TRIP4: variants seen among roughly 807,000 people sequenced by gnomAD.
The protein encoded by TRIP4 is thyroid hormone receptor interactor 4, also known as activating signal cointegrator 1.
A neutral mutation model predicts 81.8 loss-of-function variants in TRIP4; 54 were observed. The ratio of observed to expected loss-of-function variants is 0.66; its 90% CI spans 0.53 to 0.83. TRIP4 has a LOEUF of 0.83. TRIP4 is among the 40% of genes least tolerant of loss of function. The pLI is 0.00. For missense variants in TRIP4, 662 were observed against 683.6 expected, an observed-to-expected ratio of 0.97 and a Z score of 0.35; for synonymous variants, 270 against 242.8, an observed-to-expected ratio of 1.11 and a Z score of -1.04.
intron 11 of TRIP4, among the ~76,000 whole-genome samples, chr15:64,436,695 A>G (rs1596358407): frequency 1.0e-5 from 1 of 98,320 alleles, no homozygotes; most frequent in Non-Finnish European, 1.9e-5. Flanking sequence ...CTGTGTTCAT[A>G]CTTCTATTAC....
chr15:64,437,904 T>C (rs191367247), intron 11 of TRIP4, among the ~76,000 whole-genome samples: 1 of 152,300 alleles, frequency 6.6e-6, no homozygotes, highest in Admixed American at 6.5e-5. Context: ...TGAGTTATGA[T>C]GAAGATCTGC....
chr15:64,414,402 C>G (rs532832804), intron 8 of TRIP4, among the ~76,000 whole-genome samples, 191 bp downstream of exon 8: 1 of 151,818 alleles, frequency 6.6e-6, no homozygotes, highest in Admixed American at 6.6e-5. Context: ...TGCAGTACTT[C>G]TGACAAATTG....
At chr15:64,391,684 G>A (rs1052836368) in intron 1 of TRIP4, among the ~76,000 whole-genome samples, 2 of 151,722 alleles carry the variant, frequency 1.3e-5, no homozygotes, top group Non-Finnish European at 2.9e-5. Context: ...AAATACTCCA[G>A]GGTTGGCCAG....
At chr15:64,421,541 G>A (rs1892013661) in intron 9 of TRIP4, among the ~76,000 whole-genome samples, 1 of 151,428 alleles carries the variant, frequency 6.6e-6, no homozygotes, top group African/African-American at 2.4e-5. Context: ...TTGCCCTGTT[G>A]GCCAGGCTGG....
At position 64,419,383 on chromosome 15, in the gene TRIP4, C is replaced by T. The variant is rs139517088; in HGVS notation, c.1358+655C>T. 2.4e-3 allele frequency among the ~76,000 whole-genome samples: 368 copies of T among 151,394 alleles called. 2 individuals are homozygous for T. Among genetic ancestry groups the T allele is most frequent in the African/African-American group, 8.6e-3 (354 of 41,212 alleles). ...TTTTCTTTTCTTTTTTTTTAAAGAC[C>T]GAGTCTTGCTCTGTCACCAGGCTGG... On this transcript the variant is annotated intron_variant, in intron 9 of 12. Transcript: ENST00000261884.
At chr15:64,409,965 C>T in intron 7 of TRIP4, 137 bp downstream of exon 7, 1 of 750,190 alleles carries the variant, frequency 1.3e-6, no homozygotes, top group Non-Finnish European at 2.1e-6. Flanking sequence ...TTAAGAATAG[C>T]TAAGAAAAAA....
At chr15:64,431,738 A>G (rs1892274949) in intron 11 of TRIP4, among the ~76,000 whole-genome samples, 1 of 150,602 alleles carries the variant, frequency 6.6e-6, no homozygotes, top group Non-Finnish European at 1.5e-5. Flanking sequence ...TGGAACATTG[A>G]CTAGAGTTTC....
intron 6 of TRIP4, among the ~76,000 whole-genome samples, chr15:64,407,375 A>T (rs888382227): frequency 6.6e-6 from 1 of 152,182 alleles, no homozygotes; most frequent in African/African-American, 2.4e-5. Context: ...ATTATTAGAA[A>T]TAGAAATGGA....
intron 12 of TRIP4, among the ~76,000 whole-genome samples, chr15:64,446,006 C>T (rs1892624499): frequency 6.6e-6 from 1 of 152,106 alleles, no homozygotes; most frequent in Non-Finnish European, 1.5e-5. Context: ...GGCATGGTGG[C>T]TCATGCCTAT....
chr15:64,431,847 A>ATTTT (rs1555411171), intron 11 of TRIP4, among the ~76,000 whole-genome samples: 28 of 119,524 alleles, frequency 2.3e-4, no homozygotes, highest in East Asian at 4.5e-4. Flanking sequence ...ATATATATAT[A>ATTTT]TTTTTTTTAT....
chr15:64,425,324 G>C (rs1892117287), intron 10 of TRIP4, among the ~76,000 whole-genome samples: 1 of 152,072 alleles, frequency 6.6e-6, no homozygotes, highest in African/African-American at 2.4e-5. Flanking sequence ...AAATTTTCTA[G>C]CTTAACATGT....
In TRIP4 at chr15:64,418,653, A is replaced by C; in HGVS notation, c.1283A>C (p.Gln428Pro). Residue 428 changes from glutamine to proline, a missense_variant, in exon 9 of 13, where the codon CAG becomes CCG. Transcript: ENST00000261884. ...HQLRIQDQEFQEGFDGGWCLS... is the reference protein window; with the variant it reads ...HQLRIQDQEFPEGFDGGWCLS... ...TTGCGAATCCAGGATCAAGAATTTCAGGAAGGCTTTGATGGTGGCTGGTGC... is the reference window on the plus strand; with the variant it reads ...TTGCGAATCCAGGATCAAGAATTTCCGGAAGGCTTTGATGGTGGCTGGTGC... 1 of 1,614,068 alleles carries C rather than the reference A, an allele frequency of 6.2e-7. No individual in the cohort carries two copies. The highest frequency in any genetic ancestry group is 1.1e-5 in the South Asian group (1 of 91,084).
At chr15:64,439,443 GTTCT>G (rs1264568748) in intron 11 of TRIP4, among the ~76,000 whole-genome samples, 4 of 134,146 alleles carry the variant, frequency 3.0e-5, no homozygotes, top group Non-Finnish European at 6.4e-5. Context: ...GCAAATATAT[GTTCT>G]TTGTTAATGA....
chr15:64,445,401 C>T (rs1484067329), intron 12 of TRIP4, among the ~76,000 whole-genome samples: 1 of 148,624 alleles, frequency 6.7e-6, no homozygotes, highest in Non-Finnish European at 1.5e-5. Flanking sequence ...CTGAGGCAGG[C>T]GGATCACAAG....
rs1282503262 is a variant in TRIP4 at position 64,424,295 on chromosome 15, TG to T, written c.1483+142del. On this transcript the variant is annotated intron_variant, in intron 10 of 12. Transcript: ENST00000261884. ...TCTTTGTATATGTTTGTTTGTTTAGTGGTAAATCATTGACAGCGTTCAAAGC... is the reference window on the plus strand; with the variant it reads ...TCTTTGTATATGTTTGTTTGTTTAGTGTAAATCATTGACAGCGTTCAAAGC... The T allele has an allele frequency of 6.8e-5, 81 of 1,199,058 alleles. 1 individual carries two copies. The highest frequency in any genetic ancestry group is 9.2e-5 in the Non-Finnish European group (80 of 869,264). 74.3% of individuals were successfully genotyped at this position (1,199,058 alleles called of 1,614,324 possible).
intron 11 of TRIP4, among the ~76,000 whole-genome samples, chr15:64,443,766 A>C (rs1892567284): frequency 6.6e-6 from 1 of 152,158 alleles, no homozygotes; most frequent in Admixed American, 6.6e-5. Context: ...TCTCTCCTAT[A>C]ATCCCAGAAC....
chr15:64,387,868 C>T lies in TRIP4; in HGVS notation c.5C>T (p.Ala2Val), dbSNP rs1213006715. The change falls in exon 1 of 13, where the codon GCG becomes GTG. Residue 2 changes from alanine (A) to valine (V), a missense_variant. By Grantham distance (64) the Ala-to-Val change is moderately conservative. Coordinates refer to ENST00000261884, the MANE Select transcript of TRIP4 (RefSeq NM_016213.5). M[A>V]VAGAVSGEPL... ...AGCTGGTTCCGGCTGGGGAAGATGG[C>T]GGTGGCTGGGGCGGTGTCCGGGGAG... 1.1e-5 allele frequency: 17 copies of T among 1,545,130 alleles called. No homozygotes were observed. The highest frequency in any genetic ancestry group is 6.9e-5 in the African/African-American group (5 of 72,970).
chr15:64,444,903 A>G (rs1892589593), intron 11 of TRIP4, 103 bp from the exon 12 acceptor site: 1 of 647,600 alleles, frequency 1.5e-6, no homozygotes, highest in Non-Finnish European at 2.7e-6. Flanking sequence ...AATGGAAAGT[A>G]GTATCATCAG....
chr15:64,393,735 G>A (rs996501402), intron 1 of TRIP4: 11 of 356,018 alleles, frequency 3.1e-5, no homozygotes, highest in African/African-American at 1.9e-4. Context: ...GGTGTATAAC[G>A]TTGTTTTTTT....
Sources: allele counts gnomAD v4.1 joint callset (sites outside exome capture counted in the v4.1 genomes callset), GRCh38; gene constraint gnomAD v4.1.1; transcripts MANE v1.5; gene names NCBI Gene and HGNC (gene_info 2026-07-23, HGNC 2026-07-21).